Variants in LARP7 observed in about 807,000 individuals in gnomAD.
LARP7 encodes the protein La ribonucleoprotein 7, transcriptional regulator.
Under a neutral mutation model 69.3 loss-of-function variants are expected in LARP7, and 52 were observed. The observed-to-expected ratio is 0.75, with a 90% CI of 0.60 to 0.95. The LOEUF (loss-of-function observed/expected upper bound fraction) is 0.95, where lower values mean the gene tolerates loss of function less well. LARP7 is among the 40% of genes least tolerant of loss of function. The pLI is 0.00. For synonymous variants in LARP7, 254 were observed against 215.9 expected (o/e 1.18, Z -1.55); for missense variants, 733 against 673.0 (o/e 1.09, Z -0.99).
chr4:112,650,413 T>G (rs1480902292), intron 9 of LARP7, 48 bp from the exon 10 acceptor site: 6 of 1,595,796 alleles, frequency 3.8e-6, no homozygotes, highest in Non-Finnish European at 5.1e-6. Context: ...ATTAAATTGT[T>G]GTTAAGTGTA....
rs575415287 is a variant in LARP7 at position 112,642,147 on chromosome 4, T to A, written c.-2-2521T>A. On this transcript the variant is annotated intron_variant, in intron 1 of 12. Coordinates refer to ENST00000344442, the MANE Select transcript of LARP7 (RefSeq NM_016648.4). ...ACCAACTGCATTTGCTGCTGAGAGG[T>A]CAAGTAGACAGTGGAGCACATTGAG... Among the ~76,000 whole-genome samples the A allele has an allele frequency of 2.3e-4, 35 of 152,210 alleles. 1 individual carries two copies. In the Middle Eastern group the frequency reaches 0.01, roughly 44 times the overall value.
intron 12 of LARP7, among the ~76,000 whole-genome samples, chr4:112,656,355 G>GC (rs2048954428): frequency 1.3e-5 from 2 of 152,114 alleles, no homozygotes; most frequent in Admixed American, 6.5e-5. Flanking sequence ...CCAAGATGGC[G>GC]CCACTGCACC....
At chr4:112,639,208 C>CTTTTTT (rs1160467036) in intron 1 of LARP7, among the ~76,000 whole-genome samples, 2 of 132,380 alleles carry the variant, frequency 1.5e-5, no homozygotes, top group African/African-American at 2.8e-5. Context: ...TTAAATGTTA[C>CTTTTTT]TTTTTTTTTT....
chr4:112,652,979 A>G (rs2048812818), intron 10 of LARP7, 98 bp from the exon 11 acceptor site: 1 of 861,056 alleles, frequency 1.2e-6, no homozygotes, highest in African/African-American at 1.7e-5. Context: ...AAAATGCTTT[A>G]TTTACATAAT....
At chr4:112,657,114 T>G (rs2048984890) in intron 12 of LARP7, 133 bp from the exon 13 acceptor site, 1 of 430,206 alleles carries the variant, frequency 2.3e-6, no homozygotes, top group Non-Finnish European at 4.2e-6. Flanking sequence ...CTTCTCGCTG[T>G]TTTTAAAAAA....
In LARP7 at chr4:112,657,371, G is replaced by A. The variant is rs2048998593; in HGVS notation, c.*44G>A. 9.7e-7 allele frequency: 1 copy of A among 1,032,316 alleles called. No homozygotes were observed. The highest frequency in any genetic ancestry group is 2.5e-5 in the Admixed American group (1 of 40,092). The allele number at this position is 1,032,316 out of a possible 1,614,324, so 63.9% of individuals were successfully genotyped here. A position where few individuals can be genotyped will look rare whatever the true frequency, so the allele number is the denominator to read the frequency against. ...TCTTAATACTTCACAAGATACTTGA[G>A]CTGTTCTTGGGAGATTCACTTTTAT... is the stretch of plus-strand genomic sequence containing the variant. On this transcript the variant is annotated 3_prime_UTR_variant, in exon 13 of 13. Coordinates refer to ENST00000344442, the MANE Select transcript of LARP7 (RefSeq NM_016648.4).
intron 8 of LARP7, chr4:112,648,048 A>G (rs2149269146): frequency 1.5e-6 from 1 of 650,474 alleles, no homozygotes; most frequent in East Asian, 3.3e-5. Context: ...TGTCACAGCA[A>G]GTGCCTCCAT....
intron 2 of LARP7, among the ~76,000 whole-genome samples, chr4:112,646,027 TCTCCCAGGCTGGAGTGATCTCAGCTCA>T (rs1313963630): frequency 2.7e-4 from 41 of 152,158 alleles, no homozygotes; most frequent in Admixed American, 2.7e-3. Flanking sequence ...TGAGTCTCTT[TCTCCCAGGCTGGAGTGATCTCAGCTCA>T]CTGCAACCTC....
rs528737801 is a variant in LARP7, at chr4:112,647,733, A to G, written c.1041A>G (p.Leu347=). ...AAGAGGAAAAGGATACTGGAGATCT[A>G]AAAGATAGCTCTCTCTTGAAAACAA... ...STEEEKDTGD[L]KDSSLLKTKR... The change falls in exon 8 of 13, where the codon CTA becomes CTG. Residue 347 remains leucine, a synonymous_variant. Coordinates refer to ENST00000344442, the MANE Select transcript of LARP7 (RefSeq NM_016648.4). 3.2e-6 allele frequency: 5 copies of G among 1,559,884 alleles called. No individual in the cohort carries two copies. The highest frequency in any genetic ancestry group is 2.8e-5 in the African/African-American group (2 of 72,684).
chr4:112,657,184 G>GTGTGTGTA (rs1444868803), intron 12 of LARP7, 63 bp from the exon 13 acceptor site: 1 of 753,572 alleles, frequency 1.3e-6, no homozygotes, highest in Non-Finnish European at 2.1e-6. Context: ...GTGTGTGTGT[G>GTGTGTGTA]TGTGTGTGTG....
At chr4:112,645,262 T>G (rs1031897354) in intron 2 of LARP7, among the ~76,000 whole-genome samples, 1 of 152,086 alleles carries the variant, frequency 6.6e-6, no homozygotes, top group Non-Finnish European at 1.5e-5. Flanking sequence ...GTATATTCTA[T>G]AATGTGTATA....
In LARP7 at chr4:112,644,663, C is replaced by T; in HGVS notation, c.-2-5C>T. The stretch of plus-strand genomic sequence containing the variant: ...ATATTTACATCTTTTTCTTGTAATT[C>T]ACAGGAATGGAAACTGAAAGTGGAA... On this transcript the variant is annotated splice_region_variant and splice_polypyrimidine_tract_variant and intron_variant, in intron 1 of 12. Coordinates refer to ENST00000344442, the MANE Select transcript of LARP7 (RefSeq NM_016648.4). 1 of 1,578,540 alleles carries T rather than the reference C, an allele frequency of 6.3e-7. No individual in the cohort carries two copies. Among genetic ancestry groups the T allele is most frequent in the South Asian group, 1.2e-5 (1 of 86,944 alleles).
chr4:112,642,276 C>T (rs1578557675), intron 1 of LARP7, among the ~76,000 whole-genome samples: 1 of 152,172 alleles, frequency 6.6e-6, no homozygotes, highest in African/African-American at 2.4e-5. Context: ...TACTCAATGA[C>T]ACCTCATTGT....
chr4:112,645,711 G>C, intron 2 of LARP7: 1 of 431,666 alleles, frequency 2.3e-6, no homozygotes, highest in South Asian at 1.6e-5. Context: ...TAAGAGATAT[G>C]GGGTCCCACC....
At chr4:112,647,616 G>GTTTTTAATTAATTA (rs2048375630) in intron 7 of LARP7, 67 bp downstream of exon 7, 17 of 1,468,586 alleles carry the variant, frequency 1.2e-5, no homozygotes, top group Admixed American at 2.3e-5. Flanking sequence ...TAATTAATTA[G>GTTTTTAATTAATTA]GTTTTAATTG....
intron 11 of LARP7, among the ~76,000 whole-genome samples, 169 bp from the exon 12 acceptor site, chr4:112,653,899 G>A (rs569246814): frequency 3.9e-5 from 6 of 152,282 alleles, no homozygotes; most frequent in Middle Eastern, 3.4e-3. Flanking sequence ...TTGAGCCACC[G>A]CACCTGGCAA....
In LARP7 at chr4:112,644,752, G is replaced by A; in HGVS notation, c.83G>A (p.Arg28Gln). 6.2e-7 allele frequency: 1 copy of A among 1,610,006 alleles called. No individual in the cohort carries two copies. ...AAAAAAGAAGTTGAAAAAAAGAAAC[G>A]GTCACGAGTTAAACAGGTGCTTGCA... is the stretch of plus-strand genomic sequence containing the variant. ...EKKKEVEKKKRSRVKQVLADI... is the reference protein window; with the variant it reads ...EKKKEVEKKKQSRVKQVLADI... Residue 28 changes from arginine to glutamine, a missense_variant, in exon 2 of 13, where the codon CGG (arginine) becomes CAG (glutamine). Physicochemically the swap from Arg to Gln is conservative, Grantham distance 43 (BLOSUM62 1). Transcript: ENST00000344442.
chr4:112,648,356 G>A (rs1380042985), intron 8 of LARP7: 1 of 534,158 alleles, frequency 1.9e-6, no homozygotes, highest in East Asian at 5.4e-5. Flanking sequence ...GTGCTGGCTT[G>A]GAGACACCTC....
At position 112,654,162 on chromosome 4, in the gene LARP7, A is replaced by T; in HGVS notation, c.1668+3A>T. The T allele has an allele frequency of 6.2e-7, 1 of 1,610,860 alleles. No homozygotes were observed. The highest frequency in any genetic ancestry group is 8.5e-7 in the Non-Finnish European group (1 of 1,177,298). ...AAAAGAAAAGAGGCACTGAAAAGGT[A>T]ATTGATTCATTTTTGTTTTTTTAGA... On this transcript the variant is annotated splice_donor_region_variant and intron_variant, in intron 12 of 12. Coordinates refer to ENST00000344442, the MANE Select transcript of LARP7 (RefSeq NM_016648.4).
Sources: allele counts gnomAD v4.1 joint callset (sites outside exome capture counted in the v4.1 genomes callset), GRCh38; gene constraint gnomAD v4.1.1; transcripts MANE v1.5; gene names NCBI Gene and HGNC (gene_info 2026-07-23, HGNC 2026-07-21).